DGKB: variants seen among roughly 807,000 people sequenced by gnomAD.
DGKB encodes the protein 90 kDa diacylglycerol kinase.
A neutral mutation model predicts 114.3 loss-of-function variants in DGKB; 67 were observed. That is an observed-to-expected ratio of 0.59 (90% CI 0.48 to 0.72). The LOEUF is 0.72. DGKB is among the 30% of genes least tolerant of loss of function. The pLI is 0.00. For synonymous variants in DGKB, 398 were observed against 323.1 expected (o/e 1.23, Z -2.49); for missense variants, 907 against 975.2 (o/e 0.93, Z 0.93).
At chr7:14,149,807 GCTTT>G (rs1177889901) in intron 25 of DGKB, among the ~76,000 whole-genome samples, 3 of 152,234 alleles carry the variant, frequency 2.0e-5, no homozygotes, top group Admixed American at 2.0e-4. Flanking sequence ...TGATGAACTA[GCTTT>G]CTAATTTGTT....
intron 1 of DGKB, among the ~76,000 whole-genome samples, chr7:14,972,108 TTTACA>T (rs1319198172): frequency 1.3e-5 from 2 of 152,140 alleles, no homozygotes; most frequent in Non-Finnish European, 2.9e-5. Flanking sequence ...GGCAGGCCAG[TTTACA>T]TTAGGTTCTA....
intron 4 of DGKB, among the ~76,000 whole-genome samples, chr7:14,751,383 C>A (rs1834101290): frequency 6.6e-6 from 1 of 152,018 alleles, no homozygotes; most frequent in South Asian, 2.1e-4. Flanking sequence ...AGGAGAGTTA[C>A]TTGTTTATTT....
chr7:14,817,177 T>A (rs543790973), intron 2 of DGKB, among the ~76,000 whole-genome samples: 23 of 152,290 alleles, frequency 1.5e-4, no homozygotes, highest in African/African-American at 5.5e-4. Context: ...TCACTTCTGA[T>A]AATATTGCGT....
chr7:14,429,250 T>C (rs1828057198), intron 21 of DGKB, among the ~76,000 whole-genome samples: 1 of 152,140 alleles, frequency 6.6e-6, no homozygotes, highest in South Asian at 2.1e-4. Flanking sequence ...AATTAGGTCT[T>C]GAGGATGGAG....
chr7:14,190,887 A>C (rs1201008900), intron 23 of DGKB: 1 of 152,894 alleles, frequency 6.5e-6, no homozygotes, highest in Non-Finnish European at 1.5e-5. Context: ...TTTGATCTAC[A>C]GATGTGGTGG....
chr7:14,892,390 T>C (rs903824678), intron 1 of DGKB, among the ~76,000 whole-genome samples: 2 of 150,982 alleles, frequency 1.3e-5, no homozygotes, highest in African/African-American at 4.9e-5. Context: ...TAAAGGAAAA[T>C]TGCCATACAG....
chr7:14,605,659 G>C (rs1804365611), intron 17 of DGKB, among the ~76,000 whole-genome samples: 1 of 151,910 alleles, frequency 6.6e-6, no homozygotes, highest in East Asian at 1.9e-4. Flanking sequence ...AGAGTAGAAG[G>C]AAACATGTAG....
rs560056492 is a variant in DGKB at position 14,194,611 on chromosome 7, A to T, written c.2123-16460T>A. Among the ~76,000 whole-genome samples the T allele has an allele frequency of 3.9e-5, 6 of 152,296 alleles. No individual in the cohort carries two copies. The South Asian group carries it at 8.3e-4, about 21-fold the overall frequency. ...TTGCATTCCCTGTTGAAATCTAAAA[A>T]TGAGGGGTTAATATATGTTATATTA... On this transcript the variant is annotated intron_variant, in intron 23 of 25. Coordinates refer to ENST00000402815, the MANE Select transcript of DGKB (RefSeq NM_001350709.2).
At chr7:14,729,123 C>CTTTTTTTTTTTTTT (rs1162368398) in intron 5 of DGKB, among the ~76,000 whole-genome samples, 2 of 113,414 alleles carry the variant, frequency 1.8e-5, no homozygotes, top group African/African-American at 3.6e-5. Flanking sequence ...CATTTTCTTT[C>CTTTTTTTTTTTTTT]TTTTTTTTTT....
chr7:14,470,600 A>G (rs974161747), intron 21 of DGKB, among the ~76,000 whole-genome samples: 3 of 151,876 alleles, frequency 2.0e-5, no homozygotes, highest in African/African-American at 7.2e-5. Flanking sequence ...GAATTCCTAC[A>G]AATGTGATTC....
intron 2 of DGKB, among the ~76,000 whole-genome samples, chr7:14,810,119 C>T (rs1843240938): frequency 6.6e-6 from 1 of 152,158 alleles, no homozygotes; most frequent in Non-Finnish European, 1.5e-5. Flanking sequence ...ACGTTGCAAA[C>T]ACGAATTACT....
chr7:14,824,717 G>T lies in DGKB; in HGVS notation c.70+16477C>A, dbSNP rs60554069. ...AGAAATTAGAAAATGTGTTGTTTAT[G>T]TACATTTACCCTTTTAAAAATTATT... is the stretch of plus-strand genomic sequence containing the variant. On this transcript the variant is annotated intron_variant, in intron 2 of 25. Transcript: ENST00000402815. Among the ~76,000 whole-genome samples the T allele has an allele frequency of 9.9e-5, 15 of 151,910 alleles. No homozygotes were observed. In the East Asian group the frequency reaches 2.1e-3, roughly 22 times the overall value.
intron 20 of DGKB, among the ~76,000 whole-genome samples, chr7:14,562,644 C>T (rs1038552008): frequency 3.9e-5 from 6 of 152,108 alleles, no homozygotes; most frequent in African/African-American, 7.2e-5. Context: ...AATGACTGCC[C>T]TATTTGATTT....
chr7:14,907,305 C>T (rs1282442306), upstream of DGKB, among the ~76,000 whole-genome samples: 1 of 152,176 alleles, frequency 6.6e-6, no homozygotes, highest in Non-Finnish European at 1.5e-5. Context: ...CATTTACAGG[C>T]CTTTCCACTG....
At chr7:14,699,717 T>C (rs1042936304) in intron 7 of DGKB, among the ~76,000 whole-genome samples, 1 of 152,170 alleles carries the variant, frequency 6.6e-6, no homozygotes, top group Non-Finnish European at 1.5e-5. Flanking sequence ...AGGAAAAATA[T>C]TGGAGTAGTA....
At chr7:14,439,275 T>C (rs1381142349) in intron 21 of DGKB, among the ~76,000 whole-genome samples, 1 of 152,188 alleles carries the variant, frequency 6.6e-6, no homozygotes, top group Non-Finnish European at 1.5e-5. Context: ...CAAGATACTT[T>C]TAAATCTTTG....
intron 20 of DGKB, among the ~76,000 whole-genome samples, chr7:14,561,513 C>A (rs1220263528): frequency 6.6e-6 from 1 of 151,930 alleles, no homozygotes; most frequent in African/African-American, 2.4e-5. Flanking sequence ...CAGAAAAAGA[C>A]AGAAAAATGT....
chr7:14,857,634 T>G (rs1256484313), intron 1 of DGKB, among the ~76,000 whole-genome samples: 1 of 152,196 alleles, frequency 6.6e-6, no homozygotes, highest in Admixed American at 6.6e-5. Context: ...TATTTTTATG[T>G]GCTTTTTGAA....
intron 21 of DGKB, among the ~76,000 whole-genome samples, chr7:14,465,652 G>T (rs1833722976): frequency 6.6e-6 from 1 of 152,136 alleles, no homozygotes; most frequent in Admixed American, 6.5e-5. Flanking sequence ...GAAAATTGGG[G>T]CATGGAGAGA....
Sources: gnomAD v4.1 joint callset for allele counts (sites outside exome capture counted in the v4.1 genomes callset) on GRCh38, gnomAD v4.1.1 for gene constraint, MANE v1.5 for transcripts, NCBI Gene and HGNC (gene_info 2026-07-23, HGNC 2026-07-21) for gene names.